Variants in ARHGAP42 observed in about 807,000 individuals in gnomAD.
ARHGAP42 encodes the protein rho GTPase-activating protein 42.
In ARHGAP42, 63 loss-of-function variants were observed where a neutral mutation model predicts 125.0. That is an observed-to-expected ratio of 0.50 (90% confidence interval 0.41 to 0.62). ARHGAP42 has a LOEUF of 0.62. ARHGAP42 is among the 20% of genes least tolerant of loss of function. The probability of loss-of-function intolerance (pLI) is 0.00; values close to 1 mark genes in which losing one functional copy is unlikely to be tolerated. For synonymous variants in ARHGAP42, 339 were observed against 351.0 expected (o/e 0.97, Z 0.38); for missense variants, 766 against 1,024.2 (o/e 0.75, Z 3.44).
chr11:100,868,074 A>G (rs1393950042), intron 4 of ARHGAP42, among the ~76,000 whole-genome samples: 1 of 152,236 alleles, frequency 6.6e-6, no homozygotes, highest in Non-Finnish European at 1.5e-5. Context: ...ATTGCAGATC[A>G]CCATGACAAA....
intron 2 of ARHGAP42, among the ~76,000 whole-genome samples, chr11:100,778,974 C>T (rs931465028): frequency 1.3e-5 from 2 of 152,084 alleles, no homozygotes; most frequent in Non-Finnish European, 2.9e-5. Flanking sequence ...AAATTATATG[C>T]TCTTTGAGGT....
In ARHGAP42 at chr11:100,949,375, T is replaced by C. The variant is rs1345987098; in HGVS notation, c.1123-542T>C. The stretch of plus-strand genomic sequence containing the variant: ...TTAAATTTAATTTAAAAATTGGAAC[T>C]CTGCATTGATTTTTTTGTTATTTTC... On this transcript the variant is annotated intron_variant, in intron 11 of 23. Coordinates refer to ENST00000298815, the MANE Select transcript of ARHGAP42 (RefSeq NM_152432.4). 2.6e-5 allele frequency among the ~76,000 whole-genome samples: 4 copies of C among 152,160 alleles called. No homozygotes were observed. In the East Asian group the frequency reaches 7.7e-4, roughly 29 times the overall value.
chr11:100,941,341 G>A (rs772507413), intron 8 of ARHGAP42, among the ~76,000 whole-genome samples: 13 of 152,112 alleles, frequency 8.5e-5, no homozygotes, highest in Non-Finnish European at 1.9e-4. Context: ...AGATGGGAAG[G>A]CACTAGAGGG....
At chr11:100,986,001 G>C in intron 22 of ARHGAP42, 1 of 456,278 alleles carries the variant, frequency 2.2e-6, no homozygotes, top group South Asian at 1.6e-5. Flanking sequence ...AAGGTGCCCT[G>C]AATCTTTAAA....
intron 4 of ARHGAP42, among the ~76,000 whole-genome samples, chr11:100,899,581 CT>C (rs1306624514): frequency 2.0e-5 from 3 of 152,024 alleles, no homozygotes; most frequent in Admixed American, 6.6e-5. Flanking sequence ...GAATTGATCC[CT>C]TTACCATTAT....
intron 1 of ARHGAP42, among the ~76,000 whole-genome samples, chr11:100,764,180 C>A (rs1429192477): frequency 1.3e-5 from 2 of 152,108 alleles, no homozygotes; most frequent in Admixed American, 1.3e-4. Flanking sequence ...AGCCACTGCA[C>A]CCAGCTGATT....
chr11:100,708,911 T>C (rs186309853), intron 1 of ARHGAP42, among the ~76,000 whole-genome samples: 2 of 152,316 alleles, frequency 1.3e-5, no homozygotes, highest in East Asian at 3.9e-4. Context: ...ACAATAATCA[T>C]AAAATAGAAC....
chr11:100,796,964 T>C (rs1048742249), intron 3 of ARHGAP42, among the ~76,000 whole-genome samples: 1 of 152,122 alleles, frequency 6.6e-6, no homozygotes, highest in Non-Finnish European at 1.5e-5. Context: ...AGATGGGATT[T>C]CACCATGTTG....
intron 5 of ARHGAP42, 142 bp from the exon 6 acceptor site, chr11:100,921,352 T>G: frequency 1.8e-6 from 1 of 555,820 alleles, no homozygotes; most frequent in South Asian, 2.0e-5. Flanking sequence ...CCATACACTA[T>G]AAGCTCCTGT....
chr11:100,812,537 G>A (rs987870949), intron 3 of ARHGAP42, among the ~76,000 whole-genome samples: 2 of 152,140 alleles, frequency 1.3e-5, no homozygotes, highest in Non-Finnish European at 2.9e-5. Context: ...TAGCAGAGGG[G>A]GCTGTAGGTG....
At chr11:100,963,747 G>A in intron 16 of ARHGAP42, among the ~76,000 whole-genome samples, 1 of 152,112 alleles carries the variant, frequency 6.6e-6, no homozygotes, top group East Asian at 1.9e-4. Flanking sequence ...TATGAACTAG[G>A]AAATCAGGAC....
intron 2 of ARHGAP42, among the ~76,000 whole-genome samples, chr11:100,780,987 T>C (rs1254089526): frequency 6.6e-6 from 1 of 152,218 alleles, no homozygotes; most frequent in Non-Finnish European, 1.5e-5. Context: ...CTTGCACTTT[T>C]GTTAATTGGA....
At chr11:100,859,339 G>A (rs555002254) in intron 3 of ARHGAP42, 11 of 411,714 alleles carry the variant, frequency 2.7e-5, no homozygotes, top group South Asian at 6.0e-5. Flanking sequence ...ACTTATTTTC[G>A]TATTTTTCAC....
chr11:100,813,053 G>A (rs532087487), intron 3 of ARHGAP42, among the ~76,000 whole-genome samples: 65 of 152,232 alleles, frequency 4.3e-4, no homozygotes, highest in South Asian at 3.5e-3. Flanking sequence ...AGTGGAAGTG[G>A]TAGAAGTGTT....
intron 8 of ARHGAP42, among the ~76,000 whole-genome samples, chr11:100,939,578 T>G: frequency 6.6e-6 from 1 of 152,188 alleles, no homozygotes; most frequent in African/African-American, 2.4e-5. Flanking sequence ...ATATGGGCAC[T>G]TAGTAGGTAT....
intron 16 of ARHGAP42, among the ~76,000 whole-genome samples, chr11:100,962,952 T>C (rs1194037512): frequency 2.0e-5 from 3 of 152,358 alleles, no homozygotes; most frequent in Admixed American, 1.3e-4. Context: ...AATAAGAAAT[T>C]GCAGAATTAA....
intron 17 of ARHGAP42, among the ~76,000 whole-genome samples, chr11:100,967,924 A>T (rs2135309063): frequency 6.6e-6 from 1 of 152,172 alleles, no homozygotes; most frequent in Non-Finnish European, 1.5e-5. Context: ...GGGTTTCACC[A>T]CGTTGGCCAG....
intron 8 of ARHGAP42, among the ~76,000 whole-genome samples, chr11:100,938,138 GT>G (rs1867784790): frequency 6.6e-6 from 1 of 151,368 alleles, no homozygotes; most frequent in Non-Finnish European, 1.5e-5. Flanking sequence ...TAGTACCAGT[GT>G]TTCTCTGTAG....
intron 16 of ARHGAP42, among the ~76,000 whole-genome samples, chr11:100,964,850 A>G (rs558097194): frequency 1.3e-5 from 2 of 152,282 alleles, no homozygotes. Flanking sequence ...TATTTGTAAG[A>G]TAAGGAGAGG....
Sources: allele counts gnomAD v4.1 joint callset (sites outside exome capture counted in the v4.1 genomes callset), GRCh38; gene constraint gnomAD v4.1.1; transcripts MANE v1.5; gene names NCBI Gene and HGNC (gene_info 2026-07-23, HGNC 2026-07-21).